ADAMTS8: variants seen among roughly 807,000 people sequenced by gnomAD.
ADAMTS8 encodes A disintegrin and metalloproteinase with thrombospondin motifs 8.
A neutral mutation model predicts 64.4 loss-of-function variants in ADAMTS8; 50 were observed. The ratio of observed to expected loss-of-function variants is 0.78; its 90% CI spans 0.62 to 0.98. The LOEUF (loss-of-function observed/expected upper bound fraction) is 0.98. Ranked by LOEUF, ADAMTS8 falls within the 50% of genes least tolerant of loss-of-function variation. The probability of loss-of-function intolerance (pLI) is 0.00; values close to 1 mark genes in which losing one functional copy is unlikely to be tolerated. For synonymous variants in ADAMTS8, 556 were observed against 533.6 expected, an observed-to-expected ratio of 1.04 and a Z score of -0.58; for missense variants, 1,192 against 1,208.2, an observed-to-expected ratio of 0.99 and a Z score of 0.20.
At chr11:130,426,406 T>C (rs564177650) in intron 1 of ADAMTS8, among the ~76,000 whole-genome samples, 236 of 152,316 alleles carry the variant, frequency 1.5e-3, no homozygotes, top group Admixed American at 3.8e-3. Flanking sequence ...CTGAGCCTAG[T>C]ATTGGGTCCC....
Position 130,406,058 on chromosome 11 carries a change from G to C in ADAMTS8, c.2170C>G (p.Pro724Ala), listed in dbSNP as rs754114922. 6.2e-7 allele frequency: 1 copy of C among 1,613,980 alleles called. No homozygotes were observed. The highest frequency in any genetic ancestry group is 1.7e-5 in the Admixed American group (1 of 60,020). ...TAGTTCCCATCGTTCTGCACACCCG[G>C]GTGGCTCCGCTGCTTCACGTCAATA... ...TNIDVKQRSH[P>A]GVQNDGNYLA... Residue 724 changes from proline to alanine, a missense_variant, in exon 9 of 9, where the codon CCG (proline) becomes GCG (alanine). Pro to Ala is a conservative substitution (Grantham distance 27). Around this residue, in one of 5 missense-constraint regions of ADAMTS8, gnomAD observed 290 missense variants for 297.8 expected, o/e 0.97. Transcript: ENST00000257359.
At chr11:130,415,928 T>A (rs951872155) in intron 4 of ADAMTS8, among the ~76,000 whole-genome samples, 3 of 152,196 alleles carry the variant, frequency 2.0e-5, no homozygotes, top group Non-Finnish European at 4.4e-5. Context: ...GACAACCTTC[T>A]CGGATGACTT....
intron 8 of ADAMTS8, 123 bp downstream of exon 8, chr11:130,408,341 A>T: frequency 8.4e-7 from 1 of 1,188,058 alleles, no homozygotes; most frequent in Non-Finnish European, 1.2e-6. Flanking sequence ...CGGAGAGTTT[A>T]AATAACTTGC....
chr11:130,418,715 GT>G (rs1462031193), intron 2 of ADAMTS8, among the ~76,000 whole-genome samples: 1 of 152,246 alleles, frequency 6.6e-6, no homozygotes, highest in African/African-American at 2.4e-5. Flanking sequence ...ACCTGCCCCT[GT>G]GTTTTACAAC....
chr11:130,417,044 G>T lies in ADAMTS8; in HGVS notation c.992C>A (p.Thr331Asn). The change falls in exon 3 of 9, where the codon ACC becomes AAC. Residue 331 changes from threonine to asparagine, a missense_variant. This residue lies in a region of ADAMTS8 where 741 missense variants were observed against 710.6 expected (regional missense o/e 1.04). Coordinates refer to ENST00000257359, the MANE Select transcript of ADAMTS8 (RefSeq NM_007037.6). ...NFCGQEGLCD[T>N]LGVADIGTIC... is the part of the protein sequence containing the mutation. The stretch of plus-strand genomic sequence containing the variant: ...GGTCCCGATGTCTGCCACACCCAGG[G>T]TGTCACACAGCCCCTCCTGCCCACA... 6.2e-7 allele frequency: 1 copy of T among 1,613,964 alleles called. No individual in the cohort carries two copies. The highest frequency in any genetic ancestry group is 8.5e-7 in the Non-Finnish European group (1 of 1,180,020).
chr11:130,424,025 C>T (rs995222308), intron 1 of ADAMTS8, among the ~76,000 whole-genome samples: 1 of 152,238 alleles, frequency 6.6e-6, no homozygotes, highest in Non-Finnish European at 1.5e-5. Flanking sequence ...CCAGCTTTGG[C>T]AGTGGTGCGT....
Position 130,428,494 on chromosome 11 carries a change from C to G in ADAMTS8, c.-208G>C. The G allele has an allele frequency of 2.1e-6, 2 of 965,546 alleles. No individual in the cohort carries two copies. The highest frequency in any genetic ancestry group is 2.5e-6 in the Non-Finnish European group (2 of 811,394). 59.8% of individuals were successfully genotyped at this position (965,546 alleles called of 1,614,324 possible). On this transcript the variant is annotated 5_prime_UTR_variant, in exon 1 of 9. Transcript: ENST00000257359. ...GCGCAGCCCGCTCCTCCCGCGCCGC[C>G]GCCCCCGAGCCGAGCGCGAGCAGCT...
chr11:130,405,959 T>C lies in ADAMTS8; in HGVS notation c.2269A>G (p.Ile757Val), dbSNP rs779791639. Residue 757 changes from isoleucine (I) to valine (V), a missense_variant, in exon 9 of 9, where the codon ATC becomes GTC. Transcript: ENST00000257359. ...NLAISAIEQD[I>V]LVKGTILKYS... ...TTCAGGATGGTCCCCTTCACCAAGA[T>C]GTCCTGCTCTATGGCAGAGATGGCC... 3.7e-6 allele frequency: 6 copies of C among 1,614,198 alleles called. No individual in the cohort carries two copies. Among genetic ancestry groups the C allele is most frequent in the Non-Finnish European group, 5.1e-6 (6 of 1,180,018 alleles).
chr11:130,423,397 G>C (rs550074093), intron 1 of ADAMTS8, among the ~76,000 whole-genome samples: 9 of 152,302 alleles, frequency 5.9e-5, no homozygotes, highest in African/African-American at 1.7e-4. Context: ...CAGAGCAGGG[G>C]GGGGCATGAA....
Position 130,414,652 on chromosome 11 carries a change from GC to G in ADAMTS8, c.1444del (p.Ala482LeufsTer161), listed in dbSNP as rs770888243. On this transcript the variant is annotated frameshift_variant, in exon 5 of 9. Transcript: ENST00000257359. LOFTEE classifies it high-confidence loss of function. ...ATTCTTCGTGTGGCACAGGGGCTCA[GC>G]CCCATCAGTGTGGCACCAAAGCTGG... Reference protein sequence around the residue: ...CAQLWCHTDGAEPLCHTKNGS... With the variant: ...CAQLWCHTDGXEPLCHTKNGS... 6 of 1,613,794 alleles carry G rather than the reference GC, an allele frequency of 3.7e-6. No individual in the cohort carries two copies. The Admixed American group carries it at 1.0e-4, about 27-fold the overall frequency.
At chr11:130,417,130 G>A in intron 2 of ADAMTS8, 55 bp from the exon 3 acceptor site, 1 of 1,602,072 alleles carries the variant, frequency 6.2e-7, no homozygotes, top group South Asian at 1.1e-5. Flanking sequence ...GGGGTGCGCT[G>A]CAGGCCTGCA....
intron 1 of ADAMTS8, 87 bp downstream of exon 1, chr11:130,427,480 A>C: frequency 2.7e-5 from 9 of 334,668 alleles, no homozygotes; most frequent in Non-Finnish European, 4.3e-5. Flanking sequence ...TTTTTCTCAG[A>C]GGGATTGGAA....
At chr11:130,419,458 G>A (rs566573817) in intron 1 of ADAMTS8, among the ~76,000 whole-genome samples, 166 bp from the exon 2 acceptor site, 56 of 152,298 alleles carry the variant, frequency 3.7e-4, no homozygotes, top group African/African-American at 1.3e-3. Flanking sequence ...CATTTTGCAT[G>A]TGAGAAAACA....
intron 4 of ADAMTS8, among the ~76,000 whole-genome samples, chr11:130,415,929 C>T (rs531720688): frequency 6.6e-6 from 1 of 152,338 alleles, no homozygotes; most frequent in Admixed American, 6.5e-5. Flanking sequence ...ACAACCTTCT[C>T]GGATGACTTC....
At position 130,419,076 on chromosome 11, in the gene ADAMTS8, T is replaced by C. The variant is rs768946308; in HGVS notation, c.937A>G (p.Thr313Ala). Residue 313 changes from threonine to alanine, a missense_variant, in exon 2 of 9, where the codon ACG (threonine) becomes GCG (alanine). Physicochemically the swap from Thr to Ala is moderately conservative, Grantham distance 58. This residue lies in a region of ADAMTS8 where 741 missense variants were observed against 710.6 expected (regional missense o/e 1.04). Coordinates refer to ENST00000257359, the MANE Select transcript of ADAMTS8 (RefSeq NM_007037.6). ...ACCTGTCTGGTGAGCAGGATGGCCG[T>C]GTCGTAGTGCTCTGGGTGGCGGTCG... ...PSDRHPEHYD[T>A]AILLTRQNFC... The C allele has an allele frequency of 1.2e-6, 2 of 1,614,130 alleles. No individual in the cohort carries two copies. Among genetic ancestry groups the C allele is most frequent in the Non-Finnish European group, 1.7e-6 (2 of 1,180,046 alleles).
At chr11:130,418,715 G>A (rs1024145612) in intron 2 of ADAMTS8, among the ~76,000 whole-genome samples, 1 of 152,246 alleles carries the variant, frequency 6.6e-6, no homozygotes, top group African/African-American at 2.4e-5. Flanking sequence ...ACCTGCCCCT[G>A]TGTTTTACAA....
In ADAMTS8 at chr11:130,416,180, AGCTCTGTGAGATACATG is replaced by A. The variant is rs1162987263; in HGVS notation, c.1230_1246del (p.Met411SerfsTer64). On this transcript the variant is annotated frameshift_variant, in exon 4 of 9. Coordinates refer to ENST00000257359, the MANE Select transcript of ADAMTS8 (RefSeq NM_007037.6). LOFTEE classifies it high-confidence loss of function. The surrounding 1 kb of genome is among the most constrained non-coding windows in gnomAD (Gnocchi z 4.8). The stretch of plus-strand genomic sequence containing the variant: ...GTGCCTACCGTGCCCGCCGTCCAGA[AGCTCTGTGAGATACATG>A]GCGCTGCAGGGGGACCAGGGCAGCG... 1 of 1,590,550 alleles carries A rather than the reference AGCTCTGTGAGATACATG, an allele frequency of 6.3e-7. No homozygotes were observed. The highest frequency in any genetic ancestry group is 1.1e-5 in the South Asian group (1 of 87,840).
At position 130,407,861 on chromosome 11, in the gene ADAMTS8, C is replaced by T. The variant is rs188587804; in HGVS notation, c.2099+603G>A. On this transcript the variant is annotated intron_variant, in intron 8 of 8. Transcript: ENST00000257359. ...GAGGAATAGTATTGGCCTTGCTCAC[C>T]TCATGGACTTATTTTACAAATCAAA... Among the ~76,000 whole-genome samples the T allele has an allele frequency of 2.0e-5, 3 of 152,290 alleles. No individual in the cohort carries two copies. The East Asian group carries it at 5.8e-4, about 29-fold the overall frequency.
At position 130,405,638 on chromosome 11, in the gene ADAMTS8, C is replaced by T. The variant is rs61753089; in HGVS notation, c.2590G>A (p.Gly864Ser). ...TTGTTGCAGGTGGCAGAGGCCTGGCCGGAGGGGTCCCTGCACTCTACAGTT... is the reference window on the plus strand; with the variant it reads ...TTGTTGCAGGTGGCAGAGGCCTGGCTGGAGGGGTCCCTGCACTCTACAGTT... Reference protein sequence around the residue: ...RRTVECRDPSGQASATCNKAL... With the variant: ...RRTVECRDPSSQASATCNKAL... Residue 864 changes from glycine (G) to serine (S), a missense_variant, in exon 9 of 9, where the codon GGC (glycine) becomes AGC (serine). By Grantham distance (56) the Gly-to-Ser change is moderately conservative. This residue lies in a region of ADAMTS8 where 147 missense variants were observed against 154.1 expected (regional missense o/e 0.95). Coordinates refer to ENST00000257359, the MANE Select transcript of ADAMTS8 (RefSeq NM_007037.6). The T allele has an allele frequency of 5.6e-3, 9,012 of 1,614,006 alleles. 47 individuals carry two copies. Among genetic ancestry groups the T allele is most frequent in the Middle Eastern group, 8.8e-3 (53 of 6,022 alleles).
Sources: gnomAD v4.1 joint callset for allele counts (sites outside exome capture counted in the v4.1 genomes callset) on GRCh38, gnomAD v4.1.1 for gene constraint, gnomAD v4.1.1 regional missense constraint, Gnocchi (gnomAD v3.1) non-coding constraint, MANE v1.5 for transcripts, NCBI Gene and HGNC (gene_info 2026-07-23, HGNC 2026-07-21) for gene names.